IMMT: variants seen among roughly 807,000 people sequenced by gnomAD.
The protein encoded by IMMT is MICOS complex subunit MIC60.
Under a neutral mutation model 92.7 loss-of-function variants are expected in IMMT, and 40 were observed. That is an observed-to-expected ratio of 0.43 (90% CI 0.34 to 0.56). IMMT has a LOEUF of 0.56. Ranked by LOEUF, IMMT falls within the 20% of genes least tolerant of loss-of-function variation. IMMT has a pLI of 0.03. For missense variants in IMMT, 831 were observed against 912.1 expected (o/e 0.91, Z 1.14); for synonymous variants, 322 against 336.1 (o/e 0.96, Z 0.46).
At chr2:86,163,092 T>C (rs1053960513) in intron 7 of IMMT, among the ~76,000 whole-genome samples, 1 of 152,064 alleles carries the variant, frequency 6.6e-6, no homozygotes, top group Non-Finnish European at 1.5e-5. Context: ...CCCAGCACTG[T>C]AGCAGGATCG....
chr2:86,181,317 G>C lies in IMMT; in HGVS notation c.101C>G (p.Ser34Cys), dbSNP rs776452059. ...TACATACCCAGAGCTGCCTGAAGTA[G>C]AGTATCTGCGGCATGGTCGCAATGG... ...LRPLRPCRRY[S>C]TSGSSGLTTG... The change falls in exon 2 of 15, where the codon TCT (serine) becomes TGT (cysteine). Residue 34 changes from serine (S) to cysteine (C), a missense_variant. Physicochemically the swap from Ser to Cys is moderately radical, Grantham distance 112 (BLOSUM62 -1). Coordinates refer to ENST00000410111, the MANE Select transcript of IMMT (RefSeq NM_006839.3). 2.5e-6 allele frequency: 4 copies of C among 1,613,512 alleles called. No homozygotes were observed. The highest frequency in any genetic ancestry group is 3.4e-6 in the Non-Finnish European group (4 of 1,179,588).
intron 1 of IMMT, among the ~76,000 whole-genome samples, chr2:86,187,423 T>C (rs1672849083): frequency 6.6e-6 from 1 of 152,242 alleles, no homozygotes; most frequent in Non-Finnish European, 1.5e-5. Flanking sequence ...CTGAATCTAA[T>C]ATTTTATCAC....
At chr2:86,189,446 GC>G (rs1672985662) in intron 1 of IMMT, among the ~76,000 whole-genome samples, 1 of 152,138 alleles carries the variant, frequency 6.6e-6, no homozygotes, top group African/African-American at 2.4e-5. Flanking sequence ...TATTGGCCAG[GC>G]TGGTCTTGAA....
At chr2:86,175,540 G>A (rs1417789149) in intron 3 of IMMT, among the ~76,000 whole-genome samples, 2 of 152,082 alleles carry the variant, frequency 1.3e-5, no homozygotes, top group African/African-American at 4.8e-5. Flanking sequence ...ATCCAGGAAT[G>A]TAACAGTTGT....
At chr2:86,160,701 T>C (rs1367782300) in intron 8 of IMMT, among the ~76,000 whole-genome samples, 2 of 152,356 alleles carry the variant, frequency 1.3e-5, no homozygotes, top group East Asian at 1.9e-4. Context: ...GTTGATCTTA[T>C]ATCTGGGCAT....
chr2:86,185,060 C>A (rs892060939), intron 1 of IMMT, among the ~76,000 whole-genome samples: 1 of 151,854 alleles, frequency 6.6e-6, no homozygotes, highest in Non-Finnish European at 1.5e-5. Flanking sequence ...TGGCAGTGTG[C>A]GCCTGTAGTC....
At chr2:86,158,554 A>G in intron 10 of IMMT, 38 bp downstream of exon 10, 1 of 1,509,018 alleles carries the variant, frequency 6.6e-7, no homozygotes, top group Non-Finnish European at 9.0e-7. Context: ...TTAGTGGTTA[A>G]AACATCAAAA....
intron 6 of IMMT, among the ~76,000 whole-genome samples, chr2:86,170,504 C>T (rs1459908679): frequency 6.6e-6 from 1 of 152,152 alleles, no homozygotes; most frequent in Non-Finnish European, 1.5e-5. Flanking sequence ...ATCTTTAGCG[C>T]TAACATAATC....
At chr2:86,168,794 A>G (rs920435927) in intron 6 of IMMT, among the ~76,000 whole-genome samples, 2 of 152,224 alleles carry the variant, frequency 1.3e-5, no homozygotes, top group Non-Finnish European at 1.5e-5. Flanking sequence ...GAAAACTAAT[A>G]AGGAGAAAAT....
chr2:86,172,432 C>T (rs1475994098), intron 4 of IMMT, among the ~76,000 whole-genome samples: 1 of 152,128 alleles, frequency 6.6e-6, no homozygotes, highest in Non-Finnish European at 1.5e-5. Flanking sequence ...CAGCCTCAAC[C>T]TCCTGGGCTC....
chr2:86,191,675 G>A (rs965311156), intron 1 of IMMT, among the ~76,000 whole-genome samples: 1 of 148,948 alleles, frequency 6.7e-6, no homozygotes, highest in African/African-American at 2.5e-5. Flanking sequence ...AGGCCAAGGT[G>A]GGGGGATCAC....
intron 1 of IMMT, among the ~76,000 whole-genome samples, chr2:86,191,975 T>C (rs1304625200): frequency 6.6e-6 from 1 of 152,116 alleles, no homozygotes; most frequent in Admixed American, 6.5e-5. Context: ...CTCACGCCTG[T>C]AATCCCAGCA....
At chr2:86,162,876 T>C (rs1243432536) in intron 7 of IMMT, among the ~76,000 whole-genome samples, 2 of 151,948 alleles carry the variant, frequency 1.3e-5, no homozygotes, top group Non-Finnish European at 2.9e-5. Flanking sequence ...CTTAGGCAGA[T>C]CCAACATGTT....
intron 7 of IMMT, among the ~76,000 whole-genome samples, chr2:86,163,172 T>C (rs557512218): frequency 6.6e-6 from 1 of 151,918 alleles, no homozygotes; most frequent in East Asian, 1.9e-4. Context: ...ATAAAAAAAA[T>C]AGCCAGGCGT....
chr2:86,153,545 A>G lies in IMMT; in HGVS notation c.1177+15T>C. ...AAACAAAAGACTTTAAACATGAAAT[A>G]TACATAACACTCACCTAAGTCTGAA... On this transcript the variant is annotated intron_variant, in intron 11 of 14. Coordinates refer to ENST00000410111, the MANE Select transcript of IMMT (RefSeq NM_006839.3). The G allele has an allele frequency of 1.4e-6, 2 of 1,442,932 alleles. No homozygotes were observed. The highest frequency in any genetic ancestry group is 1.5e-5 in the African/African-American group (1 of 68,930). 89.4% of individuals were successfully genotyped at this position (1,442,932 alleles called of 1,614,324 possible).
chr2:86,190,859 C>G (rs997354583), intron 1 of IMMT, among the ~76,000 whole-genome samples: 1 of 152,102 alleles, frequency 6.6e-6, no homozygotes. Context: ...CACAGTGGCA[C>G]GTGCCTGCAG....
Position 86,147,848 on chromosome 2 carries a change from A to G in IMMT, c.1402-15T>C, listed in dbSNP as rs779600773. ...ACTTCTTCTATCTGTGAAACCAAACATAGTAGTTATTAGTTTTCAATTCTC... is the reference window on the plus strand; with the variant it reads ...ACTTCTTCTATCTGTGAAACCAAACGTAGTAGTTATTAGTTTTCAATTCTC... On this transcript the variant is annotated splice_polypyrimidine_tract_variant and intron_variant, in intron 12 of 14. Transcript: ENST00000410111. 8 of 1,611,262 alleles carry G rather than the reference A, an allele frequency of 5.0e-6. No homozygotes were observed. The Admixed American group carries it at 1.0e-4, about 20-fold the overall frequency.
At chr2:86,176,624 C>A (rs3770062) in intron 3 of IMMT, among the ~76,000 whole-genome samples, 69,913 of 152,008 alleles carry the variant, frequency 0.46, 16,630 homozygotes, top group Non-Finnish European at 0.51. Context: ...TATCTTTAAT[C>A]CAAAAAAGCA....
At chr2:86,195,181 G>A (rs1036131826) in intron 1 of IMMT, among the ~76,000 whole-genome samples, 157 bp downstream of exon 1, 16 of 152,230 alleles carry the variant, frequency 1.1e-4, no homozygotes, top group Admixed American at 2.6e-4. Context: ...CGAACTCCCT[G>A]GTGGCTGCCT....
Sources: allele counts gnomAD v4.1 joint callset (sites outside exome capture counted in the v4.1 genomes callset), GRCh38; gene constraint gnomAD v4.1.1; transcripts MANE v1.5; gene names NCBI Gene and HGNC (gene_info 2026-07-23, HGNC 2026-07-21).